The following SCLT1 variants were observed in gnomAD, a reference collection of about 807,000 sequenced individuals.
SCLT1 encodes the protein sodium channel and clathrin linker 1.
Under a neutral mutation model 112.8 loss-of-function variants are expected in SCLT1, and 78 were observed. The observed-to-expected ratio is 0.69, with a 90% CI of 0.58 to 0.83. The LOEUF is 0.83. SCLT1 is among the 40% of genes least tolerant of loss of function. SCLT1 has a pLI of 0.00. For missense variants in SCLT1, 747 were observed against 770.4 expected, an observed-to-expected ratio of 0.97 and a Z score of 0.36; for synonymous variants, 257 against 254.7, an observed-to-expected ratio of 1.01 and a Z score of -0.09.
At chr4:129,020,378 G>A (rs1330006806) in intron 5 of SCLT1, among the ~76,000 whole-genome samples, 1 of 152,190 alleles carries the variant, frequency 6.6e-6, no homozygotes. Flanking sequence ...GGGATAGCAT[G>A]CACTATTCTG....
chr4:129,076,224 C>A (rs1751450047), intron 2 of SCLT1, among the ~76,000 whole-genome samples: 1 of 151,994 alleles, frequency 6.6e-6, no homozygotes, highest in Non-Finnish European at 1.5e-5. Flanking sequence ...TAGTCCTGTC[C>A]CCAGAGCTTA....
chr4:128,959,521 T>C (rs1739501628), intron 12 of SCLT1, 79 bp downstream of exon 12: 6 of 989,474 alleles, frequency 6.1e-6, no homozygotes, highest in Non-Finnish European at 9.4e-6. Flanking sequence ...TCAACAGCTA[T>C]TGAATCCCTT....
At chr4:128,883,486 T>C (rs1732693922), downstream of SCLT1, among the ~76,000 whole-genome samples, 1 of 152,026 alleles carries the variant, frequency 6.6e-6, no homozygotes, top group Non-Finnish European at 1.5e-5. Context: ...AGCAAACCAC[T>C]ATGGCACAGG....
chr4:129,066,341 G>A (rs1750484945), intron 2 of SCLT1, among the ~76,000 whole-genome samples: 1 of 151,892 alleles, frequency 6.6e-6, no homozygotes, highest in Non-Finnish European at 1.5e-5. Flanking sequence ...CCAATAATTA[G>A]AGAAATACAA....
rs193041169 is a variant in SCLT1, at chr4:129,047,397, T to C, written c.103-3346A>G. On this transcript the variant is annotated intron_variant, in intron 2 of 20. Coordinates refer to ENST00000281142, the MANE Select transcript of SCLT1 (RefSeq NM_144643.4). ...TTAACTGGCTTGCTTCCTTGGCCAA[T>C]ACCATACTAACCAAATTACTATAGC... 9.9e-5 allele frequency among the ~76,000 whole-genome samples: 15 copies of C among 152,006 alleles called. No individual in the cohort carries two copies. The East Asian group carries it at 2.9e-3, about 29-fold the overall frequency.
intron 9 of SCLT1, among the ~76,000 whole-genome samples, chr4:128,979,204 C>T (rs575898525): frequency 2.0e-5 from 3 of 152,256 alleles, no homozygotes; most frequent in African/African-American, 7.2e-5. Flanking sequence ...ACAACCTACC[C>T]AAGTCAATCA....
intron 9 of SCLT1, among the ~76,000 whole-genome samples, chr4:128,986,905 G>A (rs1248852594): frequency 6.6e-6 from 1 of 152,060 alleles, no homozygotes; most frequent in Non-Finnish European, 1.5e-5. Context: ...AGCCATGAGA[G>A]TGGGCACGTC....
chr4:128,885,271 C>T (rs534061476), intron 20 of SCLT1, among the ~76,000 whole-genome samples: 40 of 152,202 alleles, frequency 2.6e-4, no homozygotes, highest in Non-Finnish European at 1.2e-4. Flanking sequence ...CAGTACAAAA[C>T]GGTAGACAGC....
intron 2 of SCLT1, among the ~76,000 whole-genome samples, chr4:129,051,668 C>G (rs765571001): frequency 5.9e-5 from 9 of 152,128 alleles, no homozygotes; most frequent in Non-Finnish European, 1.3e-4. Context: ...ATGTCATCTC[C>G]AAACAGAGAC....
chr4:129,057,759 T>C lies in SCLT1; in HGVS notation c.103-13708A>G, dbSNP rs533582979. ...TTTGTATTTGTATTTCTTTTTTTTT[T>C]CTTTTTTTTTGAGAGGGAGTCTTGC... On this transcript the variant is annotated intron_variant, in intron 2 of 20. Coordinates refer to ENST00000281142, the MANE Select transcript of SCLT1 (RefSeq NM_144643.4). 5.1e-3 allele frequency among the ~76,000 whole-genome samples: 756 copies of C among 147,954 alleles called. 6 individuals are homozygous for C. Among genetic ancestry groups the C allele is most frequent in the African/African-American group, 0.017 (696 of 40,844 alleles).
At chr4:128,946,247 A>G in intron 15 of SCLT1, 95 bp from the exon 16 acceptor site, 1 of 740,616 alleles carries the variant, frequency 1.4e-6, no homozygotes, top group Non-Finnish European at 2.1e-6. Flanking sequence ...ATAAAAAGCC[A>G]TGATTATGTG....
chr4:128,925,311 G>A (rs1303559168), intron 18 of SCLT1, among the ~76,000 whole-genome samples: 2 of 151,648 alleles, frequency 1.3e-5, no homozygotes, highest in East Asian at 1.9e-4. Flanking sequence ...TACACAAAGC[G>A]TTTTCATCAA....
intron 5 of SCLT1, among the ~76,000 whole-genome samples, chr4:129,015,867 T>C (rs1185561312): frequency 6.6e-6 from 1 of 152,134 alleles, no homozygotes; most frequent in East Asian, 1.9e-4. Context: ...TCTGAGAATC[T>C]GTTAGGAGTA....
chr4:129,039,510 T>A (rs1178119539), intron 4 of SCLT1: 2 of 158,678 alleles, frequency 1.3e-5, no homozygotes, highest in African/African-American at 4.8e-5. Context: ...TTCTAGTATT[T>A]CAAAAGGTAA....
intron 5 of SCLT1, among the ~76,000 whole-genome samples, chr4:129,026,710 C>G (rs1036906847): frequency 3.3e-5 from 5 of 152,088 alleles, no homozygotes; most frequent in African/African-American, 1.2e-4. Flanking sequence ...CAGAGCAGAA[C>G]TGAAGGAAAC....
intron 13 of SCLT1, among the ~76,000 whole-genome samples, chr4:128,953,739 C>A (rs1177953920): frequency 6.8e-6 from 1 of 148,124 alleles, no homozygotes; most frequent in African/African-American, 2.5e-5. Context: ...GCAGAGCTTG[C>A]AGTGAGCCGA....
intron 19 of SCLT1, among the ~76,000 whole-genome samples, chr4:128,890,439 A>C (rs888279337): frequency 1.3e-5 from 2 of 152,182 alleles, no homozygotes; most frequent in Non-Finnish European, 2.9e-5. Context: ...ATCAATTCAT[A>C]ATGCCATGAT....
intron 18 of SCLT1, among the ~76,000 whole-genome samples, chr4:128,923,445 A>C (rs1170031806): frequency 1.5e-4 from 2 of 13,594 alleles, no homozygotes; most frequent in Non-Finnish European, 3.0e-4. Context: ...ACTCCATCTC[A>C]AAAAAAAAAA....
chr4:129,005,165 C>A (rs1419049705), intron 5 of SCLT1, among the ~76,000 whole-genome samples: 3 of 152,112 alleles, frequency 2.0e-5, no homozygotes, highest in African/African-American at 4.8e-5. Flanking sequence ...AGTATTCAGA[C>A]ATATGCATTC....
Sources: gnomAD v4.1 joint callset for allele counts (sites outside exome capture counted in the v4.1 genomes callset) on GRCh38, gnomAD v4.1.1 for gene constraint, MANE v1.5 for transcripts, NCBI Gene and HGNC (gene_info 2026-07-23, HGNC 2026-07-21) for gene names.